STAB2: variants seen among roughly 807,000 people sequenced by gnomAD.
The protein encoded by STAB2 is stabilin 2, also known as stabilin-2.
Under a neutral mutation model 338.1 loss-of-function variants are expected in STAB2, and 288 were observed. That is an observed-to-expected ratio of 0.85 (90% CI 0.77 to 0.94). STAB2 has a LOEUF of 0.94. Among genes scored for constraint, STAB2 ranks in the 40% least tolerant of loss-of-function variants. The pLI is 0.00. For synonymous variants in STAB2, 1,202 were observed against 1,193.3 expected (o/e 1.01, Z -0.15); for missense variants, 3,141 against 3,210.1 (o/e 0.98, Z 0.52).
chr12:103,649,259 T>C (rs961296096), intron 10 of STAB2, among the ~76,000 whole-genome samples: 1 of 152,180 alleles, frequency 6.6e-6, no homozygotes, highest in Non-Finnish European at 1.5e-5. Flanking sequence ...GTGGAGGGGC[T>C]GTTTGAATTT....
chr12:103,667,290 G>A (rs1428297976), intron 19 of STAB2, among the ~76,000 whole-genome samples: 2 of 152,206 alleles, frequency 1.3e-5, no homozygotes, highest in South Asian at 2.1e-4. Context: ...AATGTGAGAG[G>A]GAGGAGAAGA....
At chr12:103,750,006 G>A (rs1232576421) in intron 59 of STAB2, among the ~76,000 whole-genome samples, 1 of 152,184 alleles carries the variant, frequency 6.6e-6, no homozygotes, top group Non-Finnish European at 1.5e-5. Context: ...GTGACCTGGA[G>A]GTGGCTAATT....
Position 103,762,404 on chromosome 12 carries a change from T to TAAGA in STAB2, c.7488+3_7488+6dup. The TAAGA allele has an allele frequency of 6.2e-7, 1 of 1,614,126 alleles. No individual in the cohort carries two copies. Among genetic ancestry groups the TAAGA allele is most frequent in the Non-Finnish European group, 8.5e-7 (1 of 1,180,020 alleles). On this transcript the variant is annotated splice_region_variant and intron_variant, in intron 67 of 68. Coordinates refer to ENST00000388887, the MANE Select transcript of STAB2 (RefSeq NM_017564.10). Reference sequence around the variant, plus strand: ...ACAATCGGCTTCCAGCATTTTGAGGTAAGAGAGAAAAATGGGAACATGATG... The same window carrying TAAGA: ...ACAATCGGCTTCCAGCATTTTGAGGTAAGAAAGAGAGAAAAATGGGAACATGATG...
intron 20 of STAB2, 33 bp from the exon 21 acceptor site, chr12:103,669,508 G>T: frequency 6.4e-7 from 1 of 1,570,014 alleles, no homozygotes; most frequent in South Asian, 1.1e-5. Flanking sequence ...TCTACTTGGG[G>T]GTTCAAAGGG....
chr12:103,591,060 C>T, intron 2 of STAB2, 30 bp downstream of exon 2: 1 of 1,611,534 alleles, frequency 6.2e-7, no homozygotes, highest in Non-Finnish European at 8.5e-7. Context: ...CGTGATGGAA[C>T]TATGAATCCA....
Position 103,604,690 on chromosome 12 carries a change from T to A in STAB2, c.331+10180T>A, listed in dbSNP as rs535134192. On this transcript the variant is annotated intron_variant, in intron 3 of 68. Transcript: ENST00000388887. Reference sequence around the variant, plus strand: ...ATTATCCCTTTAATGTCTACAAGATTTGTAGTGATGTCCCCTCTCTCATTT... The same window carrying A: ...ATTATCCCTTTAATGTCTACAAGATATGTAGTGATGTCCCCTCTCTCATTT... Among the ~76,000 whole-genome samples the A allele has an allele frequency of 1.1e-4, 17 of 152,110 alleles. No homozygotes were observed. The South Asian group carries it at 3.1e-3, about 28-fold the overall frequency.
intron 18 of STAB2, among the ~76,000 whole-genome samples, chr12:103,665,922 C>T (rs1593200877): frequency 6.6e-6 from 1 of 152,238 alleles, no homozygotes; most frequent in Non-Finnish European, 1.5e-5. Context: ...AAAGCTAATA[C>T]TTCATCCCTA....
At chr12:103,727,079 T>C (rs1938187543) in intron 46 of STAB2, among the ~76,000 whole-genome samples, 188 bp from the exon 47 acceptor site, 1 of 152,228 alleles carries the variant, frequency 6.6e-6, no homozygotes, top group Non-Finnish European at 1.5e-5. Context: ...AATTTTATAA[T>C]GAGAAGAAAA....
chr12:103,657,096 G>T (rs703631), intron 15 of STAB2, among the ~76,000 whole-genome samples: 120,186 of 152,034 alleles, frequency 0.79, 47,780 homozygotes, highest in Middle Eastern at 0.83. Flanking sequence ...GAAAAAGTCA[G>T]ATTTCCCAGG....
chr12:103,729,186 T>G (rs1300995127), intron 48 of STAB2, among the ~76,000 whole-genome samples, 191 bp downstream of exon 48: 2 of 152,172 alleles, frequency 1.3e-5, no homozygotes, highest in East Asian at 3.9e-4. Context: ...CAATACACAC[T>G]GGGGCCTAGT....
chr12:103,587,327 T>C lies in STAB2; in HGVS notation c.-150T>C, dbSNP rs183696438. On this transcript the variant is annotated 5_prime_UTR_variant, in exon 1 of 69. Transcript: ENST00000388887. ...TTTCTGAAGGCAGGTCTCACCTATC[T>C]CCTGGTTCGATCTAGGAAAAAGGAA... is the stretch of plus-strand genomic sequence containing the variant. 287 of 686,606 alleles carry C rather than the reference T, an allele frequency of 4.2e-4. No individual in the cohort carries two copies. The African/African-American group carries it at 4.6e-3, about 11-fold the overall frequency. 42.5% of individuals were successfully genotyped at this position (686,606 alleles called of 1,614,324 possible). A position where few individuals can be genotyped will look rare whatever the true frequency, so the allele number is the denominator to read the frequency against.
intron 9 of STAB2, among the ~76,000 whole-genome samples, chr12:103,642,456 T>C: frequency 6.6e-6 from 1 of 152,060 alleles, no homozygotes; most frequent in African/African-American, 2.4e-5. Context: ...ATTGATGATA[T>C]TCAGTGTTTA....
At chr12:103,702,237 T>A (rs1238667850) in intron 34 of STAB2, among the ~76,000 whole-genome samples, 2 of 151,884 alleles carry the variant, frequency 1.3e-5, no homozygotes, top group African/African-American at 4.8e-5. Context: ...TGGTTGTTTA[T>A]GGACACGCTA....
Position 103,713,664 on chromosome 12 carries a change from G to T in STAB2, c.4433G>T (p.Ser1478Ile), listed in dbSNP as rs942502138. 1 of 1,613,904 alleles carries T rather than the reference G, an allele frequency of 6.2e-7. No individual in the cohort carries two copies. The highest frequency in any genetic ancestry group is 8.5e-7 in the Non-Finnish European group (1 of 1,179,930). The change falls in exon 42 of 69, where the codon AGC (serine) becomes ATC (isoleucine). Residue 1478 changes from serine (S) to isoleucine (I), a missense_variant. Ser to Ile is a moderately radical substitution (Grantham distance 142, BLOSUM62 -2). Transcript: ENST00000388887. ...ICTAINACEI[S>I]NGGCSAKADC... Reference sequence around the variant, plus strand: ...ATAGCAATCAATGCCTGTGAGATCAGCAATGGAGGTTGCTCTGCCAAGGCT... The same window carrying T: ...ATAGCAATCAATGCCTGTGAGATCATCAATGGAGGTTGCTCTGCCAAGGCT...
chr12:103,632,143 A>G (rs1216474757), intron 6 of STAB2, among the ~76,000 whole-genome samples: 2 of 152,248 alleles, frequency 1.3e-5, no homozygotes, highest in African/African-American at 2.4e-5. Flanking sequence ...ACCAAAGGCC[A>G]CACAACTAGG....
In STAB2 at chr12:103,655,261, T is replaced by C; in HGVS notation, c.1562T>C (p.Met521Thr). Reference sequence around the variant, plus strand: ...AATGTCTCTTTTTAGCAAACCATAATGACAATGCTACAACCAAGGTACAGC... The same window carrying C: ...AATGTCTCTTTTTAGCAAACCATAACGACAATGCTACAACCAAGGTACAGC... ...TFESNNEQTI[M>T]TMLQPRYSKF... Residue 521 changes from methionine (M) to threonine (T), a missense_variant, in exon 14 of 69, where the codon ATG becomes ACG. Met to Thr is a moderately conservative substitution (Grantham distance 81). Transcript: ENST00000388887. 6.2e-7 allele frequency: 1 copy of C among 1,612,388 alleles called. No homozygotes were observed. The highest frequency in any genetic ancestry group is 8.5e-7 in the Non-Finnish European group (1 of 1,179,514).
chr12:103,660,193 G>A, intron 15 of STAB2, 138 bp from the exon 16 acceptor site: 4 of 866,710 alleles, frequency 4.6e-6, no homozygotes, highest in Non-Finnish European at 7.6e-6. Flanking sequence ...TTGGAGGTGG[G>A]GTTTCTCTCA....
chr12:103,591,086 T>C, intron 2 of STAB2, 56 bp downstream of exon 2: 1 of 1,603,136 alleles, frequency 6.2e-7, no homozygotes, highest in Non-Finnish European at 8.5e-7. Context: ...AAGCTCCCTG[T>C]CTCAAAAACT....
At chr12:103,752,727 A>G (rs939160268) in intron 60 of STAB2, among the ~76,000 whole-genome samples, 1 of 152,212 alleles carries the variant, frequency 6.6e-6, no homozygotes, top group Non-Finnish European at 1.5e-5. Context: ...GTTACCAGAG[A>G]AATTTTATAA....
Sources: gnomAD v4.1 joint callset for allele counts (sites outside exome capture counted in the v4.1 genomes callset) on GRCh38, gnomAD v4.1.1 for gene constraint, MANE v1.5 for transcripts, NCBI Gene and HGNC (gene_info 2026-07-23, HGNC 2026-07-21) for gene names.